ZNF710: variants seen among roughly 807,000 people sequenced by gnomAD.
The protein encoded by ZNF710 is zinc finger protein 710.
A neutral mutation model predicts 50.6 loss-of-function variants in ZNF710; 13 were observed. That is an observed-to-expected ratio of 0.26 (90% CI 0.17 to 0.41). The LOEUF is 0.41. ZNF710 is among the 10% of genes least tolerant of loss of function. ZNF710 has a pLI of 1.00. For synonymous variants in ZNF710, 383 were observed against 397.0 expected, an observed-to-expected ratio of 0.96 and a Z score of 0.42; for missense variants, 721 against 936.6, an observed-to-expected ratio of 0.77 and a Z score of 3.01.
intron 1 of ZNF710, among the ~76,000 whole-genome samples, chr15:90,031,381 C>G (rs1898944031): frequency 6.6e-6 from 1 of 152,134 alleles, no homozygotes; most frequent in Non-Finnish European, 1.5e-5. Flanking sequence ...CTCACAGCAC[C>G]CTAGACCTGC....
intron 1 of ZNF710, among the ~76,000 whole-genome samples, chr15:90,064,131 C>A (rs1361078069): frequency 6.6e-6 from 1 of 152,256 alleles, no homozygotes; most frequent in African/African-American, 2.4e-5. Flanking sequence ...CCACAACAGA[C>A]AGGAGGGTTG....
At chr15:90,007,339 T>C (rs1252258895) in intron 1 of ZNF710, among the ~76,000 whole-genome samples, 1 of 152,136 alleles carries the variant, frequency 6.6e-6, no homozygotes, top group East Asian at 1.9e-4. Flanking sequence ...CTCAGAGTTT[T>C]ATCCCTGAGA....
At chr15:90,018,447 C>T (rs944888591) in intron 1 of ZNF710, among the ~76,000 whole-genome samples, 1 of 152,178 alleles carries the variant, frequency 6.6e-6, no homozygotes, top group Non-Finnish European at 1.5e-5. Flanking sequence ...AGATTACAGG[C>T]GTGAGCCACC....
At chr15:90,077,341 T>A (rs922555023) in intron 4 of ZNF710, among the ~76,000 whole-genome samples, 2 of 150,130 alleles carry the variant, frequency 1.3e-5, no homozygotes, top group Non-Finnish European at 3.0e-5. Flanking sequence ...CCTCCTGGGT[T>A]CACGCCATTC....
chr15:90,014,512 TA>T (rs61272254), intron 1 of ZNF710, among the ~76,000 whole-genome samples: 10,294 of 123,858 alleles, frequency 0.083, 843 homozygotes, highest in African/African-American at 0.24. Context: ...CCCTATCTCT[TA>T]AAAAAAAAAA....
chr15:90,014,467 G>A (rs560806798), intron 1 of ZNF710, among the ~76,000 whole-genome samples: 13 of 150,522 alleles, frequency 8.6e-5, no homozygotes, highest in Admixed American at 1.3e-4. Flanking sequence ...AGTTGTACCC[G>A]GGAGTTTGAA....
intron 1 of ZNF710, among the ~76,000 whole-genome samples, chr15:90,018,044 T>A (rs545876654): frequency 1.3e-5 from 2 of 152,294 alleles, no homozygotes; most frequent in Middle Eastern, 3.4e-3. Context: ...CTCCATCATC[T>A]TCTTGTGTTC....
chr15:90,079,739 C>G lies in ZNF710; in HGVS notation c.1905C>G (p.Ala635=), dbSNP rs1158385721. The part of the protein sequence containing the change: ...QQEMEDFEEN[A]YSYASVDSSA... Reference sequence around the variant, plus strand: ...AGATGGAGGACTTCGAGGAGAACGCCTACAGCTATGCGAGCGTGGACAGCA... The same window carrying G: ...AGATGGAGGACTTCGAGGAGAACGCGTACAGCTATGCGAGCGTGGACAGCA... Residue 635 remains alanine (A), a synonymous_variant, in exon 5 of 5, where the codon GCC becomes GCG. Coordinates refer to ENST00000268154, the MANE Select transcript of ZNF710 (RefSeq NM_198526.4). 1.2e-6 allele frequency: 2 copies of G among 1,613,750 alleles called. No individual in the cohort carries two copies. Among genetic ancestry groups the G allele is most frequent in the Non-Finnish European group, 1.7e-6 (2 of 1,179,930 alleles).
chr15:90,071,895 C>T (rs1004531228), intron 2 of ZNF710, among the ~76,000 whole-genome samples: 5 of 152,048 alleles, frequency 3.3e-5, no homozygotes, highest in African/African-American at 9.7e-5. Context: ...AGCCTGGTCT[C>T]GAACTCCTGA....
chr15:90,048,091 GTCACTC>G (rs995049015), intron 1 of ZNF710, among the ~76,000 whole-genome samples: 21 of 152,372 alleles, frequency 1.4e-4, no homozygotes, highest in South Asian at 1.0e-3. Context: ...GGTTGGCACT[GTCACTC>G]TCAGGGCAGC....
rs574329541 is a variant in ZNF710 at position 90,068,532 on chromosome 15, C to T, written c.1395C>T (p.Cys465=). The T allele has an allele frequency of 1.9e-6, 3 of 1,612,434 alleles. No individual in the cohort carries two copies. The change falls in exon 2 of 5, where the codon TGC becomes TGT. Residue 465 remains cysteine, a synonymous_variant. Transcript: ENST00000268154. The surrounding 1 kb of genome is among the most constrained non-coding windows in gnomAD (Gnocchi z 5.0). ...LKHQNVRPFV[C]TECGMEFSQI... ...ACCAGAACGTGCGACCCTTCGTGTG[C>T]ACTGAATGCGGCATGGAGTTCAGCC...
chr15:90,054,904 C>G (rs1042424600), intron 1 of ZNF710, among the ~76,000 whole-genome samples: 1 of 152,142 alleles, frequency 6.6e-6, no homozygotes. Context: ...GGAAAAGAGG[C>G]GGGCAGGGTC....
At chr15:90,064,680 G>T (rs1310863289) in intron 1 of ZNF710, among the ~76,000 whole-genome samples, 1 of 152,058 alleles carries the variant, frequency 6.6e-6, no homozygotes, top group Non-Finnish European at 1.5e-5. Flanking sequence ...TAGAGATGAG[G>T]TTTCACCATG....
Position 90,068,703 on chromosome 15 carries a change from A to G in ZNF710, c.1458+108A>G. ...ACCATTTAGGTGGTCTCCTAGTTTT[A>G]TCGTTACGTACTTATTTTGATGAGT... On this transcript the variant is annotated intron_variant, in intron 2 of 4. Transcript: ENST00000268154. The surrounding 1 kb of genome is among the most constrained non-coding windows in gnomAD (Gnocchi z 5.0). 8.1e-7 allele frequency: 1 copy of G among 1,228,736 alleles called. No individual in the cohort carries two copies. Among genetic ancestry groups the G allele is most frequent in the Non-Finnish European group, 1.1e-6 (1 of 888,772 alleles). 76.1% of individuals were successfully genotyped at this position (1,228,736 alleles called of 1,614,324 possible).
chr15:89,998,584 T>C (rs1274239159), upstream of ZNF710, among the ~76,000 whole-genome samples: 2 of 152,348 alleles, frequency 1.3e-5, no homozygotes, highest in East Asian at 1.9e-4. Flanking sequence ...GTTTCAACCC[T>C]GAACGTAATC....
chr15:90,067,593 G>A lies in ZNF710; in HGVS notation c.456G>A (p.Gln152=). The change falls in exon 2 of 5, where the codon CAG becomes CAA. Residue 152 remains glutamine (Q), a synonymous_variant. Transcript: ENST00000268154. The surrounding 1 kb of genome is among the most constrained non-coding windows in gnomAD (Gnocchi z 8.1). Reference sequence around the variant, plus strand: ...GTGGCGGCTGCGACGCCCTGGTGCAGAGCAGCGCCGTCAAGATGATCGACC... The same window carrying A: ...GTGGCGGCTGCGACGCCCTGGTGCAAAGCAGCGCCGTCAAGATGATCGACC... ...AASGGCDALV[Q]SSAVKMIDLS... 1 of 1,610,356 alleles carries A rather than the reference G, an allele frequency of 6.2e-7. No homozygotes were observed. The highest frequency in any genetic ancestry group is 8.5e-7 in the Non-Finnish European group (1 of 1,178,512).
At chr15:90,018,800 G>C (rs931692746) in intron 1 of ZNF710, among the ~76,000 whole-genome samples, 2 of 152,134 alleles carry the variant, frequency 1.3e-5, no homozygotes, top group African/African-American at 2.4e-5. Context: ...GCCTTCTGGA[G>C]GATTCTAATT....
Position 90,079,834 on chromosome 15 carries a change from A to G in ZNF710, c.*5A>G, listed in dbSNP as rs1596068579. On this transcript the variant is annotated 3_prime_UTR_variant, in exon 5 of 5. Coordinates refer to ENST00000268154, the MANE Select transcript of ZNF710 (RefSeq NM_198526.4). ...GCCTACTACAATGTGCTATAGCGCA[A>G]GCTGGGCCACCCCTAACGGGGGCCG... The G allele has an allele frequency of 1.3e-6, 2 of 1,583,886 alleles. No homozygotes were observed. The highest frequency in any genetic ancestry group is 8.6e-7 in the Non-Finnish European group (1 of 1,167,956).
chr15:90,055,460 C>G (rs1899782823), intron 1 of ZNF710, among the ~76,000 whole-genome samples: 1 of 152,160 alleles, frequency 6.6e-6, no homozygotes, highest in African/African-American at 2.4e-5. Flanking sequence ...AGGGACCAAC[C>G]AGACAAGTTC....
Sources: allele counts gnomAD v4.1 joint callset (sites outside exome capture counted in the v4.1 genomes callset), GRCh38; gene constraint gnomAD v4.1.1; non-coding constraint Gnocchi (gnomAD v3.1); transcripts MANE v1.5; gene names NCBI Gene and HGNC (gene_info 2026-07-23, HGNC 2026-07-21).